Variants in XKR9 observed in about 807,000 individuals in gnomAD.
XKR9 encodes the protein XK-related protein 9.
XKR9 carries 32 observed loss-of-function variants against 32.0 expected under a neutral mutation model. The ratio of observed to expected loss-of-function variants is 1.00; its 90% CI spans 0.76 to 1.34. The LOEUF is 1.34. Ranked by LOEUF, XKR9 falls within the 40% of genes most tolerant of loss-of-function variation. The pLI, the probability that XKR9 is intolerant of heterozygous loss-of-function variation, is 0.00. For synonymous variants in XKR9, 168 were observed against 143.4 expected, an observed-to-expected ratio of 1.17 and a Z score of -1.22; for missense variants, 546 against 429.7, an observed-to-expected ratio of 1.27 and a Z score of -2.39.
chr8:70,683,493 C>CTT (rs747802158), intron 3 of XKR9: 237 of 367,774 alleles, frequency 6.4e-4, no homozygotes, highest in East Asian at 2.3e-3. Context: ...AATTACTTTT[C>CTT]TTTTTTTTTT....
At chr8:70,747,226 G>A (rs116864343) in intron 2 of XKR9, among the ~76,000 whole-genome samples, 1,768 of 152,202 alleles carry the variant, frequency 0.012, 21 homozygotes, top group Middle Eastern at 0.031. Flanking sequence ...ACATGAGTGC[G>A]GGTGACTTTT....
At chr8:70,909,414 C>A in the XKR9 span, among the ~76,000 whole-genome samples, 1 of 152,114 alleles carries the variant, frequency 6.6e-6, no homozygotes. Flanking sequence ...CCTCTTTCTT[C>A]GTGTCTGGGT....
At chr8:70,875,927 C>A in the XKR9 span, among the ~76,000 whole-genome samples, 1 of 151,708 alleles carries the variant, frequency 6.6e-6, no homozygotes, top group Non-Finnish European at 1.5e-5. Context: ...ATCAGCAAAC[C>A]ATAAATGTAG....
the XKR9 span, among the ~76,000 whole-genome samples, chr8:70,977,216 G>T: frequency 6.6e-6 from 1 of 151,936 alleles, no homozygotes; most frequent in Admixed American, 6.6e-5. Flanking sequence ...ATTTTTTGAA[G>T]GGTTTTTTGT....
chr8:70,701,141 A>T (rs1383539356), intron 3 of XKR9, among the ~76,000 whole-genome samples: 1 of 152,134 alleles, frequency 6.6e-6, no homozygotes, highest in African/African-American at 2.4e-5. Flanking sequence ...GCACTTCCCG[A>T]GTGAGGCAAT....
chr8:70,733,263 G>A (rs896664798), intron 4 of XKR9, among the ~76,000 whole-genome samples: 6 of 152,070 alleles, frequency 3.9e-5, no homozygotes, highest in African/African-American at 1.2e-4. Context: ...GGGAAGTTGG[G>A]CTTGTTTAAT....
chr8:70,751,781 T>C (rs889437895), intron 2 of XKR9, among the ~76,000 whole-genome samples: 3 of 152,168 alleles, frequency 2.0e-5, no homozygotes, highest in African/African-American at 7.2e-5. Flanking sequence ...TCTGAGGTCT[T>C]TGGGCTCGAA....
chr8:70,867,474 A>T, the XKR9 span, among the ~76,000 whole-genome samples: 54 of 152,148 alleles, frequency 3.5e-4, no homozygotes, highest in African/African-American at 1.1e-3. Context: ...CTCTTTTGAG[A>T]TGAAGTCTCC....
chr8:70,781,114 T>C (rs981707454), intron 2 of XKR9: 2 of 152,156 alleles, frequency 1.3e-5, no homozygotes, highest in African/African-American at 4.8e-5. Flanking sequence ...TCCTAGTGGG[T>C]ATAAAGTGGT....
At chr8:70,947,294 G>A in the XKR9 span, among the ~76,000 whole-genome samples, 2 of 152,200 alleles carry the variant, frequency 1.3e-5, no homozygotes, top group Admixed American at 1.3e-4. Flanking sequence ...GAAACATACT[G>A]AGAACAGTCC....
chr8:71,048,546 T>A, the XKR9 span, among the ~76,000 whole-genome samples: 11 of 152,244 alleles, frequency 7.2e-5, no homozygotes, highest in African/African-American at 2.2e-4. Flanking sequence ...AGGCATTTGA[T>A]AATGATATAT....
chr8:70,743,570 C>A (rs1478283996), intron 2 of XKR9, among the ~76,000 whole-genome samples: 1 of 152,154 alleles, frequency 6.6e-6, no homozygotes, highest in African/African-American at 2.4e-5. Context: ...GAACTTTAAA[C>A]TCTGAACTCT....
intron 4 of XKR9, among the ~76,000 whole-genome samples, chr8:70,733,329 C>T (rs529879869): frequency 1.1e-4 from 16 of 152,012 alleles, no homozygotes; most frequent in Non-Finnish European, 2.2e-4. Flanking sequence ...CCCTCCTCCT[C>T]TCCTTCCCTT....
chr8:70,915,813 C>T, the XKR9 span, among the ~76,000 whole-genome samples: 6 of 152,206 alleles, frequency 3.9e-5, no homozygotes, highest in African/African-American at 9.6e-5. Context: ...CCTGAAAAGC[C>T]GCCTTTTGTG....
the XKR9 span, among the ~76,000 whole-genome samples, chr8:70,933,488 GAGA>G: frequency 6.6e-6 from 1 of 151,914 alleles, no homozygotes; most frequent in Non-Finnish European, 1.5e-5. Flanking sequence ...TTAGATTTAG[GAGA>G]AGATTTCTTA....
chr8:70,811,816 A>C, the XKR9 span, among the ~76,000 whole-genome samples: 1 of 151,992 alleles, frequency 6.6e-6, no homozygotes, highest in Non-Finnish European at 1.5e-5. Flanking sequence ...ACCAACCAAA[A>C]AGAGTCCAGG....
At chr8:70,922,692 C>G in the XKR9 span, among the ~76,000 whole-genome samples, 1 of 152,204 alleles carries the variant, frequency 6.6e-6, no homozygotes, top group Non-Finnish European at 1.5e-5. Flanking sequence ...AGGATGCTCA[C>G]AGGGACAGAG....
the XKR9 span, among the ~76,000 whole-genome samples, chr8:70,903,614 G>C: frequency 2.0e-5 from 3 of 152,138 alleles, no homozygotes; most frequent in East Asian, 3.9e-4. Context: ...ATTTTTTAAA[G>C]GGTTTTTTGT....
chr8:70,722,764 G>T (rs1806325305), intron 4 of XKR9, among the ~76,000 whole-genome samples: 1 of 151,938 alleles, frequency 6.6e-6, no homozygotes, highest in Non-Finnish European at 1.5e-5. Flanking sequence ...GAATCTGATG[G>T]TTATGTGTCT....
Sources: allele counts gnomAD v4.1 joint callset (sites outside exome capture counted in the v4.1 genomes callset), GRCh38; gene constraint gnomAD v4.1.1; transcripts MANE v1.5; gene names NCBI Gene and HGNC (gene_info 2026-07-23, HGNC 2026-07-21).